The following TRPM4 variants were observed in gnomAD, a reference collection of about 807,000 sequenced individuals.
TRPM4 encodes transient receptor potential cation channel subfamily M member 4.
TRPM4 carries 124 observed loss-of-function variants against 135.6 expected under a neutral mutation model. That is an observed-to-expected ratio of 0.91 (90% confidence interval 0.79 to 1.06). The LOEUF (loss-of-function observed/expected upper bound fraction) is 1.06, where lower values mean the gene tolerates loss of function less well. TRPM4 is among the 50% of genes least tolerant of loss of function. The pLI is 0.00. For missense variants in TRPM4, 1,658 were observed against 1,671.4 expected (o/e 0.99, Z 0.14); for synonymous variants, 745 against 705.6 (o/e 1.06, Z -0.88).
At chr19:49,194,437 G>T (rs1208268534) in intron 16 of TRPM4, among the ~76,000 whole-genome samples, 1 of 152,030 alleles carries the variant, frequency 6.6e-6, no homozygotes, top group Non-Finnish European at 1.5e-5. Context: ...TAGAGATGGG[G>T]TTTCGCCATG....
chr19:49,200,243 C>G, intron 17 of TRPM4, 57 bp from the exon 18 acceptor site: 4 of 1,613,938 alleles, frequency 2.5e-6, no homozygotes, highest in Non-Finnish European at 3.4e-6. Context: ...GGGAAGACTT[C>G]CATTTTCCTT....
chr19:49,188,847 A>G (rs1968300161), intron 13 of TRPM4, 77 bp downstream of exon 13: 3 of 1,612,932 alleles, frequency 1.9e-6, no homozygotes, highest in Middle Eastern at 1.7e-4. Context: ...CACTCCTCAC[A>G]TATCCCTGCG....
chr19:49,188,743 G>A lies in TRPM4; in HGVS notation c.1846G>A (p.Ala616Thr). The A allele has an allele frequency of 6.2e-7, 1 of 1,614,230 alleles. No individual in the cohort carries two copies. Among genetic ancestry groups the A allele is most frequent in the Non-Finnish European group, 8.5e-7 (1 of 1,180,038 alleles). Residue 616 changes from alanine (A) to threonine (T), a missense_variant, in exon 13 of 25, where the codon GCG (alanine) becomes ACG (threonine). Transcript: ENST00000252826. ...AEEAARRKDL[A>T]FKFEGMGVDL... The stretch of plus-strand genomic sequence containing the variant: ...GGAGGCAGCACGGAGGAAAGACCTG[G>A]CGTTCAAGTTTGAGGGGATGGGCGT...
At position 49,192,688 on chromosome 19, in the gene TRPM4, T is replaced by A. The variant is rs183810585; in HGVS notation, c.2210+1915T>A. On this transcript the variant is annotated intron_variant, in intron 16 of 24. Transcript: ENST00000252826. ...TTGGGGCCTATTGGAGGACAGAGGG[T>A]AGGGCGAGGGAGAGGACCAGGAAAA... Among the ~76,000 whole-genome samples, 520 of 151,684 alleles carry A rather than the reference T, an allele frequency of 3.4e-3. 4 individuals are homozygous for A. The highest frequency in any genetic ancestry group is 5.4e-3 in the Non-Finnish European group (364 of 67,904).
At position 49,196,560 on chromosome 19, in the gene TRPM4, C is replaced by T. The variant is rs774758929; in HGVS notation, c.2331C>T (p.Gly777=). Residue 777 remains glycine, a synonymous_variant, in exon 17 of 25, where the codon GGC becomes GGT. Coordinates refer to ENST00000252826, the MANE Select transcript of TRPM4 (RefSeq NM_017636.4). ...RCLRRWFHFW[G]APVTIFMGNV... ...TACGCCGCTGGTTCCACTTCTGGGGCGCGCCGGTGACCATCTTCATGGGCA... is the reference window on the plus strand; with the variant it reads ...TACGCCGCTGGTTCCACTTCTGGGGTGCGCCGGTGACCATCTTCATGGGCA... The T allele has an allele frequency of 6.4e-7, 1 of 1,554,550 alleles. No individual in the cohort carries two copies. Among genetic ancestry groups the T allele is most frequent in the Non-Finnish European group, 8.7e-7 (1 of 1,152,736 alleles).
intron 9 of TRPM4, among the ~76,000 whole-genome samples, chr19:49,178,063 G>A (rs1568467077): frequency 6.6e-6 from 1 of 152,170 alleles, no homozygotes; most frequent in Non-Finnish European, 1.5e-5. Flanking sequence ...AAGCGTGAAG[G>A]CTCATGCCTA....
intron 9 of TRPM4, among the ~76,000 whole-genome samples, chr19:49,176,838 G>A (rs189787992): frequency 2.0e-4 from 31 of 152,268 alleles, no homozygotes; most frequent in Non-Finnish European, 2.9e-5. Context: ...GCGACAGAGC[G>A]AGACTCTGTC....
chr19:49,196,488 G>A lies in TRPM4; in HGVS notation c.2259G>A (p.Ser753=), dbSNP rs773584639. ...EKTPLGVPRQ[S]GRPGCCGGRC... is the part of the protein sequence containing the mutation. Reference sequence around the variant, plus strand: ...CGCCGCTGGGGGTCCCGCGCCAGTCGGGCCGTCCGGGTTGCTGCGGGGGCC... The same window carrying A: ...CGCCGCTGGGGGTCCCGCGCCAGTCAGGCCGTCCGGGTTGCTGCGGGGGCC... Residue 753 remains serine, a synonymous_variant, in exon 17 of 25, where the codon TCG becomes TCA. Coordinates refer to ENST00000252826, the MANE Select transcript of TRPM4 (RefSeq NM_017636.4). 3 of 1,554,850 alleles carry A rather than the reference G, an allele frequency of 1.9e-6. No homozygotes were observed. Among genetic ancestry groups the A allele is most frequent in the Non-Finnish European group, 2.6e-6 (3 of 1,153,532 alleles).
intron 2 of TRPM4, 55 bp downstream of exon 2, chr19:49,158,314 C>T: frequency 6.6e-7 from 1 of 1,523,900 alleles, no homozygotes; most frequent in Non-Finnish European, 9.1e-7. Context: ...GCTGACCCCG[C>T]CCGCGGATGG....
intron 17 of TRPM4, among the ~76,000 whole-genome samples, chr19:49,197,499 C>CCTTA (rs1968738902): frequency 1.4e-5 from 2 of 142,496 alleles, no homozygotes; most frequent in African/African-American, 5.5e-5. Context: ...TTCCTTCCTT[C>CCTTA]CTTCCTTCCT....
Position 49,196,471 on chromosome 19 carries a change from G to A in TRPM4, c.2242G>A (p.Gly748Arg). 6.4e-7 allele frequency: 1 copy of A among 1,552,314 alleles called. No homozygotes were observed. The highest frequency in any genetic ancestry group is 8.7e-7 in the Non-Finnish European group (1 of 1,152,470). Residue 748 changes from glycine to arginine, a missense_variant, in exon 17 of 25, where the codon GGG (glycine) becomes AGG (arginine). Transcript: ENST00000252826. ...TADPAEKTPL[G>R]VPRQSGRPGC... ...GGACCCAGCCGAGAAGACGCCGCTG[G>A]GGGTCCCGCGCCAGTCGGGCCGTCC...
In TRPM4 at chr19:49,200,772, G is replaced by C. The variant is rs1228086141; in HGVS notation, c.2940G>C (p.Gln980His). The change falls in exon 19 of 25, where the codon CAG becomes CAC. Residue 980 changes from glutamine (Q) to histidine (H), a missense_variant. Coordinates refer to ENST00000252826, the MANE Select transcript of TRPM4 (RefSeq NM_017636.4). ...PYLQIFGQIP[Q>H]EDMDVALMEH... ...TGCAGATCTTCGGGCAGATTCCCCA[G>C]GAGGACATGGACGGTAGGGGGGATG... 6.2e-7 allele frequency: 1 copy of C among 1,614,000 alleles called. No individual in the cohort carries two copies. The highest frequency in any genetic ancestry group is 8.5e-7 in the Non-Finnish European group (1 of 1,180,004).
Position 49,202,039 on chromosome 19 carries a change from C to T in TRPM4, c.3029C>T (p.Thr1010Ile). 1.9e-6 allele frequency: 3 copies of T among 1,614,056 alleles called. No homozygotes were observed. The highest frequency in any genetic ancestry group is 2.5e-6 in the Non-Finnish European group (3 of 1,180,032). ...CACCCTCCTGGGGCCCAGGCGGGCA[C>T]CTGCGTCTCCCAGTATGCCAACTGG... ...WAHPPGAQAG[T>I]CVSQYANWLV... Residue 1010 changes from threonine to isoleucine, a missense_variant, in exon 20 of 25, where the codon ACC becomes ATC. By Grantham distance (89) the Thr-to-Ile change is moderately conservative. Transcript: ENST00000252826.
At chr19:49,179,565 G>T (rs1309962411) in intron 9 of TRPM4, among the ~76,000 whole-genome samples, 2 of 151,998 alleles carry the variant, frequency 1.3e-5, no homozygotes, top group Non-Finnish European at 2.9e-5. Flanking sequence ...ACCCAGGCTG[G>T]TCTCGAACTC....
chr19:49,197,330 T>C (rs1283006148), intron 17 of TRPM4, among the ~76,000 whole-genome samples: 42 of 136,552 alleles, frequency 3.1e-4, no homozygotes, highest in African/African-American at 7.1e-4. Context: ...CTTTCTTTCT[T>C]TCTTTCTTTC....
chr19:49,210,636 G>A lies in TRPM4; in HGVS notation c.3329-74G>A. On this transcript the variant is annotated intron_variant, in intron 21 of 24. Coordinates refer to ENST00000252826, the MANE Select transcript of TRPM4 (RefSeq NM_017636.4). The surrounding 1 kb of genome is among the most constrained non-coding windows in gnomAD (Gnocchi z 4.1). ...GGGTCTGGGATAGCGTGCGTGTTCTGAGGGTGTCGGAAGGGGCAGCTGGGA... is the reference window on the plus strand; with the variant it reads ...GGGTCTGGGATAGCGTGCGTGTTCTAAGGGTGTCGGAAGGGGCAGCTGGGA... 1 of 1,609,990 alleles carries A rather than the reference G, an allele frequency of 6.2e-7. No homozygotes were observed.
chr19:49,196,746 C>T lies in TRPM4; in HGVS notation c.2517C>T (p.Ser839=). The change falls in exon 17 of 25, where the codon AGC becomes AGT. Residue 839 remains serine (S), a synonymous_variant. Coordinates refer to ENST00000252826, the MANE Select transcript of TRPM4 (RefSeq NM_017636.4). ...LRQGLSGGGG[S]LASGGPGPGH... ...AGGGCCTGAGCGGAGGCGGGGGCAG[C>T]CTCGCCAGCGGGGGCCCCGGGCCTG... The T allele has an allele frequency of 6.5e-7, 1 of 1,549,024 alleles. No homozygotes were observed.
At chr19:49,165,983 A>T (rs557292644) in intron 2 of TRPM4, 58 bp from the exon 3 acceptor site, 1 of 1,520,908 alleles carries the variant, frequency 6.6e-7, no homozygotes, top group East Asian at 2.4e-5. Context: ...GAACACGCTG[A>T]CAGGGTGCTG....
intron 16 of TRPM4, among the ~76,000 whole-genome samples, chr19:49,195,812 T>C (rs772605847): frequency 7.9e-5 from 12 of 151,390 alleles, no homozygotes; most frequent in Non-Finnish European, 1.5e-4. Flanking sequence ...GCCTCCCCAG[T>C]AGCTGGGACT....
Sources: gnomAD v4.1 joint callset for allele counts (sites outside exome capture counted in the v4.1 genomes callset) on GRCh38, gnomAD v4.1.1 for gene constraint, Gnocchi (gnomAD v3.1) non-coding constraint, MANE v1.5 for transcripts, NCBI Gene and HGNC (gene_info 2026-07-23, HGNC 2026-07-21) for gene names.